GAS7: variants seen among roughly 807,000 people sequenced by gnomAD.
GAS7 encodes growth arrest specific 7, also known as growth arrest-specific protein 7.
Under a neutral mutation model 71.1 loss-of-function variants are expected in GAS7, and 28 were observed. The observed-to-expected ratio is 0.39, with a 90% CI of 0.29 to 0.54. GAS7 has a LOEUF of 0.54. Ranked by LOEUF, GAS7 falls within the 20% of genes least tolerant of loss-of-function variation. The pLI is 0.62. For missense variants in GAS7, 436 were observed against 627.8 expected (o/e 0.69, Z 3.27); for synonymous variants, 258 against 245.8 (o/e 1.05, Z -0.46).
At chr17:9,955,863 C>G (rs888464853) in intron 5 of GAS7, among the ~76,000 whole-genome samples, 1 of 152,170 alleles carries the variant, frequency 6.6e-6, no homozygotes, top group African/African-American at 2.4e-5. Flanking sequence ...TCTGTTTTCT[C>G]CAACCCTCAG....
chr17:10,069,014 C>A (rs1249003029), intron 1 of GAS7, among the ~76,000 whole-genome samples: 2 of 152,134 alleles, frequency 1.3e-5, no homozygotes, highest in African/African-American at 4.8e-5. Flanking sequence ...ATGTAGGCAT[C>A]CCCTGCCTAG....
intron 1 of GAS7, among the ~76,000 whole-genome samples, chr17:10,060,079 C>T (rs543090699): frequency 4.6e-5 from 7 of 152,298 alleles, no homozygotes; most frequent in South Asian, 2.1e-4. Flanking sequence ...ATGCTCCTTC[C>T]GGTCTAGAGT....
chr17:9,970,340 C>T (rs2069908751), intron 3 of GAS7, among the ~76,000 whole-genome samples: 1 of 152,142 alleles, frequency 6.6e-6, no homozygotes, highest in African/African-American at 2.4e-5. Flanking sequence ...ATTAAAAATA[C>T]ATAATCTGGC....
At chr17:10,187,141 A>C (rs2074461210) in intron 1 of GAS7, among the ~76,000 whole-genome samples, 1 of 152,164 alleles carries the variant, frequency 6.6e-6, no homozygotes, top group African/African-American at 2.4e-5. Context: ...TAGACAATAA[A>C]ATACCAGCAG....
chr17:10,028,716 A>T lies in GAS7; in HGVS notation c.184-8819T>A, dbSNP rs113617957. ...AAAACCAAAATGATATAAAAAAGGAACAGGAAATGATAAAAATTATAGGGA... is the reference window on the plus strand; with the variant it reads ...AAAACCAAAATGATATAAAAAAGGATCAGGAAATGATAAAAATTATAGGGA... On this transcript the variant is annotated intron_variant, in intron 1 of 13. Coordinates refer to ENST00000432992, the MANE Select transcript of GAS7 (RefSeq NM_201433.2). Among the ~76,000 whole-genome samples, 471 of 152,318 alleles carry T rather than the reference A, an allele frequency of 3.1e-3. 1 individual carries two copies. Among genetic ancestry groups the T allele is most frequent in the African/African-American group, 0.011 (458 of 41,574 alleles).
intron 1 of GAS7, among the ~76,000 whole-genome samples, chr17:10,192,171 A>T (rs2074507522): frequency 6.6e-6 from 1 of 152,202 alleles, no homozygotes; most frequent in South Asian, 2.1e-4. Flanking sequence ...AGGAAAAGCC[A>T]GAGAGATCTG....
intron 1 of GAS7, among the ~76,000 whole-genome samples, chr17:10,102,734 C>A (rs1321177016): frequency 2.7e-5 from 4 of 149,482 alleles, no homozygotes; most frequent in Non-Finnish European, 5.9e-5. Flanking sequence ...CCATCAAAAT[C>A]AAAATACCCA....
chr17:9,965,429 G>A (rs1188825751), intron 4 of GAS7, among the ~76,000 whole-genome samples: 1 of 152,156 alleles, frequency 6.6e-6, no homozygotes, highest in African/African-American at 2.4e-5. Context: ...ACTAAACACC[G>A]CATGTTCTCA....
chr17:10,035,907 C>T (rs889285541), intron 1 of GAS7, among the ~76,000 whole-genome samples: 1 of 152,208 alleles, frequency 6.6e-6, no homozygotes, highest in African/African-American at 2.4e-5. Context: ...GGAGCTCCCA[C>T]TTACCTTCAT....
intron 2 of GAS7, among the ~76,000 whole-genome samples, chr17:10,006,091 C>T (rs986493405): frequency 2.6e-5 from 4 of 152,120 alleles, no homozygotes; most frequent in Non-Finnish European, 4.4e-5. Flanking sequence ...CAGGCCAGCA[C>T]ACTCATCCTA....
chr17:10,125,687 G>A (rs1191293318), intron 1 of GAS7, among the ~76,000 whole-genome samples: 1 of 152,000 alleles, frequency 6.6e-6, no homozygotes, highest in Non-Finnish European at 1.5e-5. Flanking sequence ...TGTAGAGAAT[G>A]AGGCCCGGGT....
intron 1 of GAS7, among the ~76,000 whole-genome samples, chr17:10,071,600 A>G (rs2073340164): frequency 6.6e-6 from 1 of 152,178 alleles, no homozygotes; most frequent in Non-Finnish European, 1.5e-5. Context: ...CTTAGCTTCA[A>G]GCATACAAAA....
chr17:10,154,562 C>T (rs981100343), intron 1 of GAS7, among the ~76,000 whole-genome samples: 1 of 151,190 alleles, frequency 6.6e-6, no homozygotes, highest in Non-Finnish European at 1.5e-5. Context: ...CTTGTAATCC[C>T]ATCACTTTGG....
intron 2 of GAS7, among the ~76,000 whole-genome samples, chr17:9,984,098 G>A (rs1311741709): frequency 6.6e-6 from 1 of 152,104 alleles, no homozygotes; most frequent in East Asian, 1.9e-4. Flanking sequence ...TCTGATATGA[G>A]GATATAACAT....
intron 1 of GAS7, among the ~76,000 whole-genome samples, chr17:10,089,932 C>G (rs2073563498): frequency 6.6e-6 from 1 of 152,144 alleles, no homozygotes. Context: ...CTTTGGGAGG[C>G]CAAGGCAGGT....
intron 1 of GAS7, among the ~76,000 whole-genome samples, chr17:10,090,925 C>G (rs2073575356): frequency 6.6e-6 from 1 of 152,132 alleles, no homozygotes; most frequent in Non-Finnish European, 1.5e-5. Context: ...AAGTGGGGTT[C>G]CACTGTCAAA....
At chr17:10,127,293 C>T (rs1015069707) in intron 1 of GAS7, among the ~76,000 whole-genome samples, 2 of 152,178 alleles carry the variant, frequency 1.3e-5, no homozygotes, top group East Asian at 1.9e-4. Context: ...GTCAGGGGAA[C>T]GCCTGGTTTC....
chr17:10,170,825 C>T (rs765472787), intron 1 of GAS7, among the ~76,000 whole-genome samples: 2 of 152,210 alleles, frequency 1.3e-5, no homozygotes, highest in Non-Finnish European at 2.9e-5. Context: ...GCCTTTTAAA[C>T]TTACATCTTC....
intron 13 of GAS7, 44 bp from the exon 14 acceptor site, chr17:9,917,385 C>A: frequency 7.5e-7 from 1 of 1,341,866 alleles, no homozygotes; most frequent in Non-Finnish European, 1.1e-6. Context: ...AGACGGCGGC[C>A]AAGCCAGGGA....
Sources: allele counts gnomAD v4.1 joint callset (sites outside exome capture counted in the v4.1 genomes callset), GRCh38; gene constraint gnomAD v4.1.1; transcripts MANE v1.5; gene names NCBI Gene and HGNC (gene_info 2026-07-23, HGNC 2026-07-21).